Variants in SLC8A3 observed in about 807,000 individuals in gnomAD.
SLC8A3 encodes the protein solute carrier family 8 member A3.
Under a neutral mutation model 65.4 loss-of-function variants are expected in SLC8A3, and 37 were observed. That is an observed-to-expected ratio of 0.57 (90% CI 0.44 to 0.74). SLC8A3 has a LOEUF of 0.74. Ranked by LOEUF, SLC8A3 falls within the 30% of genes least tolerant of loss-of-function variation. The pLI, the probability that SLC8A3 is intolerant of heterozygous loss-of-function variation, is 0.00. For synonymous variants in SLC8A3, 461 were observed against 444.5 expected (o/e 1.04, Z -0.47); for missense variants, 1,112 against 1,172.1 (o/e 0.95, Z 0.75).
intron 2 of SLC8A3, among the ~76,000 whole-genome samples, chr14:70,140,082 C>T (rs2140265046): frequency 6.6e-6 from 1 of 152,210 alleles, no homozygotes; most frequent in Middle Eastern, 3.4e-3. Flanking sequence ...CACCTAATAC[C>T]TTTGATATTA....
At position 70,164,906 on chromosome 14, in the gene SLC8A3, G is replaced by A. The variant is rs556569112; in HGVS notation, c.1784+1733C>T. ...TCCCCAGAGTACATATAAATGGATA[G>A]TATTCTCCAGAAGGCACAGGTTTCT... On this transcript the variant is annotated intron_variant, in intron 2 of 6. Transcript: ENST00000356921. 4.6e-5 allele frequency among the ~76,000 whole-genome samples: 7 copies of A among 152,310 alleles called. No individual in the cohort carries two copies. In the South Asian group the frequency reaches 1.2e-3, roughly 27 times the overall value.
At chr14:70,161,207 G>A (rs1000590333) in intron 2 of SLC8A3, among the ~76,000 whole-genome samples, 16 of 137,040 alleles carry the variant, frequency 1.2e-4, no homozygotes, top group Non-Finnish European at 2.5e-4. Context: ...GGAGAATGGC[G>A]TGAACCCGGG....
At chr14:70,174,662 G>GTTTGTTTTTTTTT (rs1566833477) in intron 1 of SLC8A3, among the ~76,000 whole-genome samples, 2 of 66,516 alleles carry the variant, frequency 3.0e-5, no homozygotes, top group African/African-American at 1.0e-4. Context: ...TTTTTTTTTT[G>GTTTGTTTTTTTTT]TTTTTTTTTT....
At chr14:70,066,360 T>C (rs1450275442) in intron 2 of SLC8A3, among the ~76,000 whole-genome samples, 1 of 152,208 alleles carries the variant, frequency 6.6e-6, no homozygotes, top group Non-Finnish European at 1.5e-5. Context: ...ACTTGTTCTT[T>C]CCCATTTCTG....
At chr14:70,129,828 C>G (rs910969711) in intron 2 of SLC8A3, among the ~76,000 whole-genome samples, 5 of 152,196 alleles carry the variant, frequency 3.3e-5, no homozygotes, top group African/African-American at 1.2e-4. Flanking sequence ...TGAAACTAAA[C>G]AGTAAACTCT....
At chr14:70,069,461 T>C (rs531030910) in intron 2 of SLC8A3, among the ~76,000 whole-genome samples, 21 of 152,326 alleles carry the variant, frequency 1.4e-4, no homozygotes, top group African/African-American at 4.1e-4. Flanking sequence ...CCGGGTCAGC[T>C]AACACTCACA....
At chr14:70,049,503 G>T (rs959105925) in intron 5 of SLC8A3, among the ~76,000 whole-genome samples, 19 of 152,096 alleles carry the variant, frequency 1.2e-4, no homozygotes, top group African/African-American at 4.1e-4. Context: ...ATAGGGGAGG[G>T]ATAGCATTAG....
chr14:70,138,219 T>C (rs1895343368), intron 2 of SLC8A3, among the ~76,000 whole-genome samples: 1 of 152,116 alleles, frequency 6.6e-6, no homozygotes, highest in African/African-American at 2.4e-5. Flanking sequence ...AGCCCATGGT[T>C]TCTCAAATAA....
chr14:70,128,647 G>A (rs916161793), intron 2 of SLC8A3, among the ~76,000 whole-genome samples: 5 of 152,160 alleles, frequency 3.3e-5, no homozygotes, highest in Non-Finnish European at 5.9e-5. Flanking sequence ...GAAGATATCC[G>A]AAGAAGCAAA....
rs146954620 is a variant in SLC8A3, at chr14:70,093,658, T to C, written c.1785-32719A>G. On this transcript the variant is annotated intron_variant, in intron 2 of 6. Coordinates refer to ENST00000356921, the MANE Select transcript of SLC8A3 (RefSeq NM_182932.3). ...AGGGTCACTGCTTCAAGAACTGGCC[T>C]CATGCACCTTTGTCAAGGAGCTGGG... Among the ~76,000 whole-genome samples, 23 of 152,350 alleles carry C rather than the reference T, an allele frequency of 1.5e-4. No homozygotes were observed. The East Asian group carries it at 4.4e-3, about 29-fold the overall frequency.
At chr14:70,187,690 T>C (rs1025155) in intron 1 of SLC8A3, among the ~76,000 whole-genome samples, 77,071 of 148,768 alleles carry the variant, frequency 0.52, 22,196 homozygotes, top group Admixed American at 0.67. Context: ...GTTATATATT[T>C]CGATTCTCTC....
At chr14:70,121,141 C>G (rs978952401) in intron 2 of SLC8A3, among the ~76,000 whole-genome samples, 1 of 152,102 alleles carries the variant, frequency 6.6e-6, no homozygotes, top group African/African-American at 2.4e-5. Context: ...TAGACCCCCC[C>G]CAAAATGAGC....
At chr14:70,160,186 T>A (rs1896802980) in intron 2 of SLC8A3, among the ~76,000 whole-genome samples, 1 of 152,226 alleles carries the variant, frequency 6.6e-6, no homozygotes, top group South Asian at 2.1e-4. Flanking sequence ...AGCTCACGCC[T>A]GTAATCCCAG....
chr14:70,060,660 G>A (rs771910860), intron 3 of SLC8A3, 176 bp downstream of exon 3: 2 of 742,860 alleles, frequency 2.7e-6, no homozygotes, highest in Non-Finnish European at 4.9e-6. Context: ...GTGAGAGCGA[G>A]AATACAGGAG....
At chr14:70,049,991 G>A (rs913104985) in intron 5 of SLC8A3, among the ~76,000 whole-genome samples, 4 of 152,362 alleles carry the variant, frequency 2.6e-5, no homozygotes, top group African/African-American at 7.2e-5. Context: ...GGCAACTTCT[G>A]TCATGTTTTG....
At chr14:70,098,490 G>A (rs1019475773) in intron 2 of SLC8A3, among the ~76,000 whole-genome samples, 5 of 152,174 alleles carry the variant, frequency 3.3e-5, no homozygotes, top group African/African-American at 4.8e-5. Flanking sequence ...AAGTGTCTGC[G>A]AGGGAAAGGA....
At chr14:70,161,648 G>T (rs936052135) in intron 2 of SLC8A3, among the ~76,000 whole-genome samples, 1 of 144,764 alleles carries the variant, frequency 6.9e-6, no homozygotes, top group East Asian at 1.9e-4. Context: ...CCATGAGCTT[G>T]CAGTCTTGTG....
intron 2 of SLC8A3, among the ~76,000 whole-genome samples, chr14:70,096,890 A>C (rs1247792236): frequency 6.6e-6 from 1 of 152,218 alleles, no homozygotes; most frequent in Non-Finnish European, 1.5e-5. Context: ...GGGGCAGGTC[A>C]ACAAAGAGAT....
At chr14:70,131,216 G>A (rs1160321175) in intron 2 of SLC8A3, among the ~76,000 whole-genome samples, 2 of 149,966 alleles carry the variant, frequency 1.3e-5, no homozygotes, top group Non-Finnish European at 1.5e-5. Context: ...AATGGAGCTT[G>A]GACTGCAGAA....
Sources: allele counts gnomAD v4.1 joint callset (sites outside exome capture counted in the v4.1 genomes callset), GRCh38; gene constraint gnomAD v4.1.1; transcripts MANE v1.5; gene names NCBI Gene and HGNC (gene_info 2026-07-23, HGNC 2026-07-21).